Variants in SNTB1 observed in about 807,000 individuals in gnomAD.
SNTB1 encodes syntrophin beta 1, also known as beta-1-syntrophin.
SNTB1 carries 36 observed loss-of-function variants against 48.9 expected under a neutral mutation model. That is an observed-to-expected ratio of 0.74 (90% confidence interval 0.56 to 0.97). The LOEUF is 0.97. Ranked by LOEUF, SNTB1 falls within the 50% of genes least tolerant of loss-of-function variation. The pLI is 0.00. For synonymous variants in SNTB1, 299 were observed against 294.6 expected (o/e 1.01, Z -0.15); for missense variants, 786 against 703.4 (o/e 1.12, Z -1.33).
At chr8:120,784,492 C>G (rs1300696788) in intron 1 of SNTB1, among the ~76,000 whole-genome samples, 1 of 152,094 alleles carries the variant, frequency 6.6e-6, no homozygotes, top group African/African-American at 2.4e-5. Flanking sequence ...TGCTCAGAGT[C>G]CTGGCTGAGT....
chr8:120,552,168 GAC>G (rs1187559957), intron 4 of SNTB1, among the ~76,000 whole-genome samples: 3 of 152,172 alleles, frequency 2.0e-5, no homozygotes, highest in African/African-American at 7.2e-5. Context: ...TCTCCAGAGA[GAC>G]TATAAAATTG....
At chr8:120,646,112 AG>A (rs1817292962) in intron 2 of SNTB1, among the ~76,000 whole-genome samples, 1 of 145,578 alleles carries the variant, frequency 6.9e-6, no homozygotes, top group Non-Finnish European at 1.5e-5. Flanking sequence ...GTCTGCAAAC[AG>A]GGACAATTTG....
At chr8:120,708,386 C>T (rs891292654) in intron 1 of SNTB1, among the ~76,000 whole-genome samples, 5 of 151,906 alleles carry the variant, frequency 3.3e-5, no homozygotes, top group African/African-American at 9.7e-5. Context: ...CGTTAAAGAA[C>T]AGCTCATTCA....
chr8:120,699,063 T>G (rs531613512), intron 1 of SNTB1, among the ~76,000 whole-genome samples: 46 of 152,330 alleles, frequency 3.0e-4, no homozygotes, highest in African/African-American at 1.0e-3. Flanking sequence ...CTCCCTGAAG[T>G]TGTCAGGGAC....
At chr8:120,708,105 T>C (rs774585272) in intron 1 of SNTB1, among the ~76,000 whole-genome samples, 5 of 151,700 alleles carry the variant, frequency 3.3e-5, no homozygotes, top group Non-Finnish European at 7.4e-5. Flanking sequence ...ATATAATATA[T>C]ATTAAAATAA....
At chr8:120,559,476 T>G (rs2130665251) in intron 4 of SNTB1, among the ~76,000 whole-genome samples, 1 of 152,334 alleles carries the variant, frequency 6.6e-6, no homozygotes, top group South Asian at 2.1e-4. Context: ...ATGTGATGAA[T>G]TCCATGAGGC....
intron 1 of SNTB1, among the ~76,000 whole-genome samples, chr8:120,783,984 TTTTG>T (rs1166777835): frequency 4.5e-5 from 6 of 134,058 alleles, no homozygotes; most frequent in Admixed American, 2.4e-4. Context: ...AATACTCCAG[TTTTG>T]TTTTGTTTTG....
intron 2 of SNTB1, among the ~76,000 whole-genome samples, chr8:120,679,859 A>T (rs1002886026): frequency 7.3e-5 from 11 of 149,816 alleles, no homozygotes; most frequent in East Asian, 3.9e-4. Flanking sequence ...CTCTTGAGAT[A>T]TTTTTTTTTT....
intron 2 of SNTB1, chr8:120,654,920 T>C (rs1209367672): frequency 2.2e-6 from 1 of 452,672 alleles, no homozygotes; most frequent in Non-Finnish European, 4.4e-6. Flanking sequence ...CAGATGAAAC[T>C]AGTCAGGAGG....
At chr8:120,586,112 G>A (rs1309880222) in intron 3 of SNTB1, among the ~76,000 whole-genome samples, 5 of 152,104 alleles carry the variant, frequency 3.3e-5, no homozygotes, top group African/African-American at 1.2e-4. Flanking sequence ...AGAGGACCAG[G>A]TATACAAAGA....
chr8:120,805,617 T>C (rs1051058124), intron 1 of SNTB1, among the ~76,000 whole-genome samples: 10 of 152,244 alleles, frequency 6.6e-5, no homozygotes, highest in Non-Finnish European at 1.5e-5. Context: ...TTGATAATGT[T>C]AGTTCAGTGA....
intron 2 of SNTB1, among the ~76,000 whole-genome samples, chr8:120,640,715 C>T (rs1817179261): frequency 6.6e-6 from 1 of 152,118 alleles, no homozygotes; most frequent in Non-Finnish European, 1.5e-5. Context: ...AGCCTTGCAT[C>T]CCAGGGATGA....
chr8:120,565,655 A>G (rs778926240), intron 4 of SNTB1, among the ~76,000 whole-genome samples: 1 of 152,252 alleles, frequency 6.6e-6, no homozygotes, highest in Non-Finnish European at 1.5e-5. Flanking sequence ...GCCGGGACCC[A>G]GGACAGCCTT....
intron 2 of SNTB1, among the ~76,000 whole-genome samples, chr8:120,667,037 C>T (rs939110163): frequency 6.6e-6 from 1 of 151,660 alleles, no homozygotes; most frequent in Non-Finnish European, 1.5e-5. Flanking sequence ...CAGTTTTTCT[C>T]TACATCATGG....
At chr8:120,793,567 G>T (rs1820074067) in intron 1 of SNTB1, among the ~76,000 whole-genome samples, 1 of 151,962 alleles carries the variant, frequency 6.6e-6, no homozygotes, top group Non-Finnish European at 1.5e-5. Flanking sequence ...TTCCACTCAA[G>T]GAACCAGCTC....
intron 2 of SNTB1, among the ~76,000 whole-genome samples, chr8:120,676,289 A>G (rs1817832117): frequency 6.6e-6 from 1 of 152,354 alleles, no homozygotes; most frequent in African/African-American, 2.4e-5. Context: ...AGTGCTTTAT[A>G]TATTCCCTGG....
At position 120,632,527 on chromosome 8, in the gene SNTB1, T is replaced by G. The variant is rs757997721; in HGVS notation, c.913A>C (p.Ile305Leu). 25 of 1,614,012 alleles carry G rather than the reference T, an allele frequency of 1.5e-5. No homozygotes were observed. Among genetic ancestry groups the G allele is most frequent in the Non-Finnish European group, 1.9e-5 (22 of 1,180,036 alleles). Residue 305 changes from isoleucine to leucine, a missense_variant, in exon 3 of 7, where the codon ATT (isoleucine) becomes CTT (leucine). Transcript: ENST00000517992. ...SNVNDLLTRV[I>L]AEVREQLGKT... The stretch of plus-strand genomic sequence containing the variant: ...CCCAGCTGCTCTCTGACCTCAGCAA[T>G]CACTCGGGTCAGCAGGTCATTAACG...
At chr8:120,652,444 A>G (rs1432546347) in intron 2 of SNTB1, among the ~76,000 whole-genome samples, 1 of 152,164 alleles carries the variant, frequency 6.6e-6, no homozygotes, top group East Asian at 1.9e-4. Context: ...CTCATTGTAA[A>G]TACTGGGGGG....
At position 120,780,510 on chromosome 8, in the gene SNTB1, T is replaced by G. The variant is rs562346946; in HGVS notation, c.571+30763A>C. Among the ~76,000 whole-genome samples, 342 of 152,350 alleles carry G rather than the reference T, an allele frequency of 2.2e-3. 3 individuals are homozygous for G. The highest frequency in any genetic ancestry group is 7.9e-3 in the African/African-American group (329 of 41,582). Reference sequence around the variant, plus strand: ...TCTAAAATATGTTTTCCTGACATTATGGATGATAATGAGGTTTTCTAAATT... The same window carrying G: ...TCTAAAATATGTTTTCCTGACATTAGGGATGATAATGAGGTTTTCTAAATT... On this transcript the variant is annotated intron_variant, in intron 1 of 6. Transcript: ENST00000517992.
Sources: gnomAD v4.1 joint callset for allele counts (sites outside exome capture counted in the v4.1 genomes callset) on GRCh38, gnomAD v4.1.1 for gene constraint, MANE v1.5 for transcripts, NCBI Gene and HGNC (gene_info 2026-07-23, HGNC 2026-07-21) for gene names.